Variants in FHAD1 observed in about 807,000 individuals in gnomAD.
FHAD1 encodes forkhead associated phosphopeptide binding domain 1.
Under a neutral mutation model 191.3 loss-of-function variants are expected in FHAD1, and 146 were observed. The ratio of observed to expected loss-of-function variants is 0.76; its 90% CI spans 0.67 to 0.88. FHAD1 has a LOEUF of 0.88. Among genes scored for constraint, FHAD1 ranks in the 40% least tolerant of loss-of-function variants. The probability of loss-of-function intolerance (pLI) is 0.00; values close to 1 mark genes in which losing one functional copy is unlikely to be tolerated. For synonymous variants in FHAD1, 616 were observed against 672.3 expected (o/e 0.92, Z 1.29); for missense variants, 1,635 against 1,785.8 (o/e 0.92, Z 1.52).
chr1:15,374,994 G>A (rs1699213407), intron 27 of FHAD1, among the ~76,000 whole-genome samples: 1 of 151,738 alleles, frequency 6.6e-6, no homozygotes, highest in Non-Finnish European at 1.5e-5. Flanking sequence ...TAGTATCTAG[G>A]ACTACAGGAA....
chr1:15,356,502 G>A (rs1190503181), intron 20 of FHAD1, among the ~76,000 whole-genome samples: 5 of 152,162 alleles, frequency 3.3e-5, no homozygotes, highest in South Asian at 2.1e-4. Context: ...TTGCAGGTGC[G>A]TGCTACGTGA....
At chr1:15,373,659 C>T (rs913856762) in intron 26 of FHAD1, among the ~76,000 whole-genome samples, 6 of 152,120 alleles carry the variant, frequency 3.9e-5, no homozygotes, top group Admixed American at 6.6e-5. Flanking sequence ...TTGAGACCAG[C>T]GTGGGCAACA....
chr1:15,259,024 T>G (rs1424502190), intron 2 of FHAD1, among the ~76,000 whole-genome samples: 1 of 152,212 alleles, frequency 6.6e-6, no homozygotes, highest in Non-Finnish European at 1.5e-5. Context: ...CAATTTTGCT[T>G]TCCCAGCAAC....
chr1:15,397,250 G>A (rs1284969151), intron 33 of FHAD1, 47 bp from the exon 34 acceptor site: 7 of 886,792 alleles, frequency 7.9e-6, no homozygotes, highest in Non-Finnish European at 1.2e-5. Context: ...AACAATTGGA[G>A]TCTTGCTGCA....
rs180845932 is a variant in FHAD1 at position 15,355,150 on chromosome 1, A to G, written c.2562+2166A>G. ...CTTGAACCCGGGAGGCAGAGGTTGC[A>G]ATGAGTCAAGGTCATGCCATTGCAC... On this transcript the variant is annotated intron_variant, in intron 20 of 33. Coordinates refer to ENST00000688493, the MANE Select transcript of FHAD1 (RefSeq NM_001391957.1). Among the ~76,000 whole-genome samples, 4 of 152,164 alleles carry G rather than the reference A, an allele frequency of 2.6e-5. No individual in the cohort carries two copies. The East Asian group carries it at 7.7e-4, about 29-fold the overall frequency.
At chr1:15,293,484 C>T (rs1452876604) in intron 4 of FHAD1, among the ~76,000 whole-genome samples, 1 of 152,188 alleles carries the variant, frequency 6.6e-6, no homozygotes, top group Admixed American at 6.5e-5. Context: ...CTTTGGGAGG[C>T]CAAGGAGGGC....
chr1:15,293,988 C>T (rs371459174), intron 4 of FHAD1, among the ~76,000 whole-genome samples: 14 of 152,146 alleles, frequency 9.2e-5, no homozygotes, highest in Non-Finnish European at 1.9e-4. Context: ...AGCCTCCCAC[C>T]GGGGTGTCAT....
At position 15,397,335 on chromosome 1, in the gene FHAD1, AAGAG is replaced by A. The variant is rs1265447425; in HGVS notation, c.4366_4369del (p.Glu1456CysfsTer2). 3.1e-5 allele frequency: 48 copies of A among 1,545,304 alleles called. No homozygotes were observed. Among genetic ancestry groups the A allele is most frequent in the Non-Finnish European group, 4.1e-5 (47 of 1,142,672 alleles). Reference sequence around the variant, plus strand: ...AAGCCTCCCTAAAGATGGACCAAGAAAGAGAGATGCTGAGGAAAGAGACCTCCAG... The same window carrying A: ...AAGCCTCCCTAAAGATGGACCAAGAAAGATGCTGAGGAAAGAGACCTCCAG... On this transcript the variant is annotated frameshift_variant, in exon 34 of 34. Coordinates refer to ENST00000688493, the MANE Select transcript of FHAD1 (RefSeq NM_001391957.1). LOFTEE classifies it low-confidence loss of function (END_TRUNC).
intron 6 of FHAD1, among the ~76,000 whole-genome samples, chr1:15,304,852 A>G (rs1212992491): frequency 6.6e-6 from 1 of 152,026 alleles, no homozygotes; most frequent in Non-Finnish European, 1.5e-5. Flanking sequence ...TGTTAATTCT[A>G]CCACCGAGTC....
intron 29 of FHAD1, 69 bp downstream of exon 29, chr1:15,380,865 A>G (rs767406979): frequency 2.6e-6 from 3 of 1,150,940 alleles, no homozygotes; most frequent in Non-Finnish European, 3.8e-6. Flanking sequence ...TGTTGAACGC[A>G]GGATAGTTTA....
chr1:15,340,968 G>C (rs1482329427), intron 15 of FHAD1, among the ~76,000 whole-genome samples: 1 of 152,006 alleles, frequency 6.6e-6, no homozygotes, highest in African/African-American at 2.4e-5. Flanking sequence ...GATCACCTGA[G>C]GTCAGGAGTT....
chr1:15,349,552 G>C (rs1277013536), intron 19 of FHAD1, among the ~76,000 whole-genome samples: 1 of 152,236 alleles, frequency 6.6e-6, no homozygotes, highest in African/African-American at 2.4e-5. Context: ...AGAGCGGCAT[G>C]TGTGCCACAC....
At chr1:15,338,280 C>T (rs533372996) in intron 14 of FHAD1, among the ~76,000 whole-genome samples, 178 of 152,330 alleles carry the variant, frequency 1.2e-3, no homozygotes, top group African/African-American at 4.1e-3. Context: ...CTTCCGGAGG[C>T]TCTAGAGCAG....
At chr1:15,271,560 G>A (rs891163017) in intron 2 of FHAD1, among the ~76,000 whole-genome samples, 2 of 152,070 alleles carry the variant, frequency 1.3e-5, no homozygotes, top group East Asian at 1.9e-4. Flanking sequence ...TTTGAAAAGC[G>A]GGCCATCTGT....
At chr1:15,301,527 A>C (rs1668768553) in intron 6 of FHAD1, 86 bp downstream of exon 6, 1 of 1,170,442 alleles carries the variant, frequency 8.5e-7, no homozygotes, top group Non-Finnish European at 1.2e-6. Context: ...AGCCACCCAG[A>C]GTTAGGGAAC....
chr1:15,259,633 T>A (rs1650046052), intron 2 of FHAD1, among the ~76,000 whole-genome samples: 1 of 152,224 alleles, frequency 6.6e-6, no homozygotes, highest in Non-Finnish European at 1.5e-5. Context: ...AAAATCACTT[T>A]TCCTGTGATC....
chr1:15,292,700 T>C (rs1400479684), intron 4 of FHAD1, among the ~76,000 whole-genome samples: 2 of 152,194 alleles, frequency 1.3e-5, no homozygotes, highest in African/African-American at 4.8e-5. Flanking sequence ...GGAAAGACCA[T>C]GTGAGGACAC....
At chr1:15,333,824 C>CTTTTTTTTTTTTTTT (rs55698715) in intron 14 of FHAD1, among the ~76,000 whole-genome samples, 18 of 64,808 alleles carry the variant, frequency 2.8e-4, no homozygotes, top group East Asian at 5.7e-4. Flanking sequence ...TTTTATTTAT[C>CTTTTTTTTTTTTTTT]TTTTTTTTTT....
chr1:15,271,677 T>G (rs1656075734), intron 2 of FHAD1, among the ~76,000 whole-genome samples: 2 of 152,136 alleles, frequency 1.3e-5, no homozygotes, highest in African/African-American at 4.8e-5. Flanking sequence ...TAAAACTATG[T>G]ATGTAGGGTG....
Sources: allele counts gnomAD v4.1 joint callset (sites outside exome capture counted in the v4.1 genomes callset), GRCh38; gene constraint gnomAD v4.1.1; transcripts MANE v1.5; gene names NCBI Gene and HGNC (gene_info 2026-07-23, HGNC 2026-07-21).